NPAS3: variants seen among roughly 807,000 people sequenced by gnomAD.
The protein encoded by NPAS3 is neuronal PAS domain protein 3, also known as neuronal PAS domain-containing protein 3.
A neutral mutation model predicts 73.1 loss-of-function variants in NPAS3; 14 were observed. That is an observed-to-expected ratio of 0.19 (90% confidence interval 0.13 to 0.30). The LOEUF (loss-of-function observed/expected upper bound fraction) is 0.30, where lower values mean the gene tolerates loss of function less well. Ranked by LOEUF, NPAS3 falls within the 10% of genes least tolerant of loss-of-function variation. NPAS3 has a pLI of 1.00. For missense variants in NPAS3, 1,096 were observed against 1,250.0 expected, an observed-to-expected ratio of 0.88 and a Z score of 1.86; for synonymous variants, 620 against 541.5, an observed-to-expected ratio of 1.14 and a Z score of -2.01.
chr14:33,600,167 T>G (rs1595247240), intron 5 of NPAS3, among the ~76,000 whole-genome samples: 1 of 152,208 alleles, frequency 6.6e-6, no homozygotes, highest in East Asian at 1.9e-4. Flanking sequence ...GAACATTTCT[T>G]CGATGAAGAG....
intron 6 of NPAS3, among the ~76,000 whole-genome samples, chr14:33,682,300 T>C (rs17101697): frequency 0.16 from 24,977 of 152,180 alleles, 2,442 homozygotes; most frequent in East Asian, 0.34. Flanking sequence ...CTGACTTCTG[T>C]TAATACCCAG....
chr14:33,362,470 C>T (rs1199260654), intron 3 of NPAS3, among the ~76,000 whole-genome samples: 4 of 152,156 alleles, frequency 2.6e-5, no homozygotes, highest in African/African-American at 9.7e-5. Flanking sequence ...CAAGGGAATC[C>T]CTTTCCTTTT....
intron 2 of NPAS3, among the ~76,000 whole-genome samples, chr14:33,059,903 C>T (rs972465178): frequency 1.3e-5 from 2 of 151,978 alleles, no homozygotes; most frequent in African/African-American, 4.8e-5. Context: ...GGCTCAAGCT[C>T]CCAAGTAGCT....
At chr14:33,770,491 A>G (rs998597034) in intron 7 of NPAS3, among the ~76,000 whole-genome samples, 1 of 152,200 alleles carries the variant, frequency 6.6e-6, no homozygotes, top group Admixed American at 6.5e-5. Context: ...ACAGTCTGTA[A>G]ACTCTTTGAG....
At position 33,768,362 on chromosome 14, in the gene NPAS3, A is replaced by G. The variant is rs556106390; in HGVS notation, c.853-5975A>G. 2.0e-5 allele frequency among the ~76,000 whole-genome samples: 3 copies of G among 152,352 alleles called. No homozygotes were observed. The East Asian group carries it at 5.8e-4, about 29-fold the overall frequency. ...GAAAGCTCTTCTGAAGAATGTCTGT[A>G]GATGAGATTTAAGACCAGATTAAGA... is the stretch of plus-strand genomic sequence containing the variant. On this transcript the variant is annotated intron_variant, in intron 7 of 11. Coordinates refer to ENST00000356141, the Ensembl canonical transcript of NPAS3.
chr14:33,161,168 G>A (rs925460492), intron 2 of NPAS3, among the ~76,000 whole-genome samples: 1 of 152,162 alleles, frequency 6.6e-6, no homozygotes, highest in Admixed American at 6.5e-5. Flanking sequence ...AAAGTCTAAA[G>A]GCATCTACCC....
chr14:33,295,712 T>TG (rs1187520348), intron 3 of NPAS3, among the ~76,000 whole-genome samples: 1 of 152,220 alleles, frequency 6.6e-6, no homozygotes, highest in Non-Finnish European at 1.5e-5. Context: ...TTTATTTTAA[T>TG]GCAGAGGTAT....
At chr14:33,511,519 G>A (rs1048527332) in intron 4 of NPAS3, among the ~76,000 whole-genome samples, 1 of 152,116 alleles carries the variant, frequency 6.6e-6, no homozygotes, top group Non-Finnish European at 1.5e-5. Context: ...ATTTCAAAAG[G>A]TACATTTGGT....
chr14:33,384,301 T>C (rs944064123), intron 4 of NPAS3, among the ~76,000 whole-genome samples: 2 of 152,160 alleles, frequency 1.3e-5, no homozygotes, highest in African/African-American at 4.8e-5. Context: ...TCAGTTTCTA[T>C]AAAATGGACG....
intron 7 of NPAS3, among the ~76,000 whole-genome samples, chr14:33,765,342 A>T (rs1247355695): frequency 6.6e-6 from 1 of 151,330 alleles, no homozygotes; most frequent in Admixed American, 6.6e-5. Context: ...GCAATCTCTC[A>T]GCTCCCCACT....
chr14:33,575,152 T>A (rs572490594), intron 5 of NPAS3, among the ~76,000 whole-genome samples: 3 of 152,236 alleles, frequency 2.0e-5, no homozygotes, highest in Admixed American at 2.0e-4. Flanking sequence ...GATTCCATTG[T>A]AGACCAACAT....
At chr14:33,199,320 A>T (rs2046519246) in intron 2 of NPAS3, among the ~76,000 whole-genome samples, 1 of 152,164 alleles carries the variant, frequency 6.6e-6, no homozygotes. Context: ...TTTTTGAAAA[A>T]TTTCTGATTA....
chr14:33,683,704 A>G (rs2060006416), intron 6 of NPAS3, among the ~76,000 whole-genome samples: 1 of 152,220 alleles, frequency 6.6e-6, no homozygotes, highest in South Asian at 2.1e-4. Flanking sequence ...GCTGGAAACC[A>G]TCTCCACCCC....
rs528944416 is a variant in NPAS3 at position 33,058,197 on chromosome 14, A to T, written c.140+2203A>T. On this transcript the variant is annotated intron_variant, in intron 2 of 11. Coordinates refer to ENST00000356141, the Ensembl canonical transcript of NPAS3. ...TCCACACTCTTGTTGGGTGAATATT[A>T]TCAAGAGTAGGGAGATGTAGGCAAA... Among the ~76,000 whole-genome samples the T allele has an allele frequency of 1.2e-3, 188 of 152,206 alleles. 1 individual carries two copies. Among genetic ancestry groups the T allele is most frequent in the African/African-American group, 4.3e-3 (177 of 41,542 alleles).
intron 5 of NPAS3, among the ~76,000 whole-genome samples, chr14:33,647,140 C>G (rs1056003703): frequency 6.6e-6 from 1 of 152,092 alleles, no homozygotes; most frequent in Admixed American, 6.5e-5. Context: ...ATATGAATGA[C>G]CACACACTAA....
chr14:33,176,889 T>C (rs975088773), intron 2 of NPAS3, among the ~76,000 whole-genome samples: 2 of 151,998 alleles, frequency 1.3e-5, no homozygotes, highest in Non-Finnish European at 2.9e-5. Context: ...TTGTTATTTT[T>C]CTTTTTTCTT....
At chr14:33,433,960 G>A (rs1426839287) in intron 4 of NPAS3, among the ~76,000 whole-genome samples, 1 of 152,176 alleles carries the variant, frequency 6.6e-6, no homozygotes, top group Non-Finnish European at 1.5e-5. Context: ...GGAGGCCGAG[G>A]TGGGCGGATC....
chr14:33,757,548 A>T (rs558717818), intron 7 of NPAS3, among the ~76,000 whole-genome samples: 1 of 152,324 alleles, frequency 6.6e-6, no homozygotes, highest in South Asian at 2.1e-4. Context: ...GATGGGGGAA[A>T]AAATGAGAGA....
intron 3 of NPAS3, among the ~76,000 whole-genome samples, chr14:33,355,184 C>T (rs1017565233): frequency 6.6e-6 from 1 of 152,168 alleles, no homozygotes; most frequent in Admixed American, 6.5e-5. Flanking sequence ...CCCACCAATC[C>T]GTAGCTTGTT....
Sources: allele counts gnomAD v4.1 joint callset (sites outside exome capture counted in the v4.1 genomes callset), GRCh38; gene constraint gnomAD v4.1.1; transcripts MANE v1.5; gene names NCBI Gene and HGNC (gene_info 2026-07-23, HGNC 2026-07-21).